SLC2A13: variants seen among roughly 807,000 people sequenced by gnomAD.
SLC2A13 encodes the protein solute carrier family 2 member 13.
In SLC2A13, 32 loss-of-function variants were observed where a neutral mutation model predicts 64.4. That is an observed-to-expected ratio of 0.50 (90% CI 0.37 to 0.67). The LOEUF (loss-of-function observed/expected upper bound fraction) is 0.67. Ranked by LOEUF, SLC2A13 falls within the 30% of genes least tolerant of loss-of-function variation. The probability of loss-of-function intolerance (pLI) is 0.00; values close to 1 mark genes in which losing one functional copy is unlikely to be tolerated. For synonymous variants in SLC2A13, 338 were observed against 327.1 expected, an observed-to-expected ratio of 1.03 and a Z score of -0.36; for missense variants, 743 against 829.2, an observed-to-expected ratio of 0.90 and a Z score of 1.28.
intron 3 of SLC2A13, among the ~76,000 whole-genome samples, chr12:39,981,686 A>G (rs931368440): frequency 2.6e-5 from 4 of 152,150 alleles, no homozygotes; most frequent in African/African-American, 9.7e-5. Context: ...AATAATCAAT[A>G]GCTTACCCAC....
chr12:39,933,163 A>G (rs1302958577), intron 4 of SLC2A13, among the ~76,000 whole-genome samples: 3 of 152,186 alleles, frequency 2.0e-5, no homozygotes, highest in African/African-American at 4.8e-5. Context: ...TGGGAGGCAG[A>G]GGTTACAGTC....
At chr12:39,876,762 A>T (rs146490591) in intron 4 of SLC2A13, among the ~76,000 whole-genome samples, 320 of 152,250 alleles carry the variant, frequency 2.1e-3, no homozygotes, top group African/African-American at 7.3e-3. Context: ...CTGGCATGGG[A>T]CTATAAAGAC....
intron 2 of SLC2A13, among the ~76,000 whole-genome samples, chr12:40,028,912 C>T (rs1947864615): frequency 6.6e-6 from 1 of 152,098 alleles, no homozygotes; most frequent in Admixed American, 6.5e-5. Context: ...GCTTAAAAGG[C>T]ACACTTTTCA....
Position 39,755,386 on chromosome 12 carries a change from C to T in SLC2A13, c.*4640G>A, listed in dbSNP as rs1939948115. On this transcript the variant is annotated 3_prime_UTR_variant, in exon 10 of 10. Coordinates refer to ENST00000280871, the MANE Select transcript of SLC2A13 (RefSeq NM_052885.4). ...GTTTGAAATACATATATTTTAAAAG[C>T]ATAAAACTGTGATTTGATTTAATCT... is the stretch of plus-strand genomic sequence containing the variant. 1 of 151,892 alleles carries T rather than the reference C, an allele frequency of 6.6e-6. No individual in the cohort carries two copies. Among genetic ancestry groups the T allele is most frequent in the Non-Finnish European group, 1.5e-5 (1 of 67,868 alleles). The allele number at this position is 151,892 out of a possible 1,614,324, so 9.4% of individuals were successfully genotyped here. A position where few individuals can be genotyped will look rare whatever the true frequency, so the allele number is the denominator to read the frequency against.
chr12:39,917,136 T>C (rs1475508057), intron 4 of SLC2A13, among the ~76,000 whole-genome samples: 1 of 152,074 alleles, frequency 6.6e-6, no homozygotes, highest in Non-Finnish European at 1.5e-5. Flanking sequence ...TGCAAACAAA[T>C]CTAAAATTCA....
At chr12:39,837,879 T>C (rs1230759435) in intron 6 of SLC2A13, among the ~76,000 whole-genome samples, 1 of 151,084 alleles carries the variant, frequency 6.6e-6, no homozygotes, top group Non-Finnish European at 1.5e-5. Flanking sequence ...AGAAACACTT[T>C]TACACTGTTG....
At chr12:39,812,996 A>ATTTTTT (rs71449493) in intron 7 of SLC2A13, among the ~76,000 whole-genome samples, 6,794 of 40,560 alleles carry the variant, frequency 0.17, 2,918 homozygotes, top group Admixed American at 0.25. Context: ...TGCCCAGCTA[A>ATTTTTT]TTTTTTTTTT....
At chr12:39,881,358 G>C (rs2135958858) in intron 4 of SLC2A13, among the ~76,000 whole-genome samples, 1 of 152,170 alleles carries the variant, frequency 6.6e-6, no homozygotes, top group Admixed American at 6.5e-5. Context: ...AACTCAAACA[G>C]TGGATATGAT....
intron 1 of SLC2A13, among the ~76,000 whole-genome samples, chr12:40,055,308 A>C (rs1184896669): frequency 6.6e-6 from 1 of 152,230 alleles, no homozygotes; most frequent in Non-Finnish European, 1.5e-5. Context: ...TACAAACTTA[A>C]AGAGCTCTTA....
intron 3 of SLC2A13, among the ~76,000 whole-genome samples, chr12:39,991,741 GT>G (rs1947141797): frequency 6.6e-6 from 1 of 152,010 alleles, no homozygotes; most frequent in Non-Finnish European, 1.5e-5. Flanking sequence ...TCAGTATGAA[GT>G]TGCCTAATAT....
rs540264620 is a variant in SLC2A13, at chr12:39,989,274, T to C, written c.926-37909A>G. Among the ~76,000 whole-genome samples, 8 of 152,166 alleles carry C rather than the reference T, an allele frequency of 5.3e-5. No individual in the cohort carries two copies. In the South Asian group the frequency reaches 1.7e-3, roughly 32 times the overall value. On this transcript the variant is annotated intron_variant, in intron 3 of 9. Coordinates refer to ENST00000280871, the MANE Select transcript of SLC2A13 (RefSeq NM_052885.4). ...TTTAGTCTTTTGAATACATGCCACCTCTCTGACTTTCCTGGACCAACCTAT... is the reference window on the plus strand; with the variant it reads ...TTTAGTCTTTTGAATACATGCCACCCCTCTGACTTTCCTGGACCAACCTAT...
chr12:39,970,283 G>A (rs1946621095), intron 3 of SLC2A13, among the ~76,000 whole-genome samples: 1 of 152,106 alleles, frequency 6.6e-6, no homozygotes, highest in Admixed American at 6.6e-5. Flanking sequence ...GGCAATGCAG[G>A]CTCTTTTTTG....
intron 1 of SLC2A13, among the ~76,000 whole-genome samples, chr12:40,102,249 A>G (rs1369112094): frequency 2.0e-5 from 3 of 152,222 alleles, no homozygotes; most frequent in East Asian, 1.9e-4. Context: ...TGCCTGCCCC[A>G]TATCTGACAG....
chr12:39,878,845 TG>T (rs1355730409), intron 4 of SLC2A13, among the ~76,000 whole-genome samples: 1 of 152,212 alleles, frequency 6.6e-6, no homozygotes, highest in Non-Finnish European at 1.5e-5. Context: ...GCCAAGACTA[TG>T]GGAAAAAGTC....
chr12:39,980,699 A>G (rs796579998), intron 3 of SLC2A13, among the ~76,000 whole-genome samples: 3,642 of 151,826 alleles, frequency 0.024, 63 homozygotes, highest in Middle Eastern at 0.11. Flanking sequence ...CTACAAAGAG[A>G]CTTAGACTCC....
intron 7 of SLC2A13, among the ~76,000 whole-genome samples, chr12:39,821,366 T>C (rs559140463): frequency 2.6e-5 from 4 of 151,902 alleles, no homozygotes; most frequent in East Asian, 1.9e-4. Context: ...GCCGAGATTG[T>C]GCCACTACAC....
chr12:39,832,194 G>T (rs1014821561), intron 6 of SLC2A13, among the ~76,000 whole-genome samples: 3 of 152,156 alleles, frequency 2.0e-5, no homozygotes, highest in Non-Finnish European at 4.4e-5. Context: ...GGCTTTAGAA[G>T]TAAGTACACT....
chr12:39,830,812 A>G (rs1455321228), intron 6 of SLC2A13, among the ~76,000 whole-genome samples: 2 of 152,212 alleles, frequency 1.3e-5, no homozygotes, highest in Non-Finnish European at 2.9e-5. Context: ...TTCAGCAAAG[A>G]TATACTGAGT....
chr12:39,987,381 G>A (rs1253580728), intron 3 of SLC2A13, among the ~76,000 whole-genome samples: 2 of 152,124 alleles, frequency 1.3e-5, no homozygotes, highest in Non-Finnish European at 2.9e-5. Context: ...CTCTTGAACC[G>A]AAAACTTGCT....
Sources: gnomAD v4.1 joint callset for allele counts (sites outside exome capture counted in the v4.1 genomes callset) on GRCh38, gnomAD v4.1.1 for gene constraint, MANE v1.5 for transcripts, NCBI Gene and HGNC (gene_info 2026-07-23, HGNC 2026-07-21) for gene names.